Variants in STRA8 observed in about 807,000 individuals in gnomAD.
The protein encoded by STRA8 is stimulated by retinoic acid 8.
A neutral mutation model predicts 37.1 loss-of-function variants in STRA8; 18 were observed. The observed-to-expected ratio is 0.48, with a 90% CI of 0.34 to 0.72. The LOEUF is 0.72. Among genes scored for constraint, STRA8 ranks in the 30% least tolerant of loss-of-function variants. The pLI is 0.01. For missense variants in STRA8, 357 were observed against 410.4 expected, an observed-to-expected ratio of 0.87 and a Z score of 1.13; for synonymous variants, 168 against 162.9, an observed-to-expected ratio of 1.03 and a Z score of -0.24.
chr7:135,232,698 G>A (rs1432894267), upstream of STRA8, among the ~76,000 whole-genome samples: 1 of 152,154 alleles, frequency 6.6e-6, no homozygotes, highest in Non-Finnish European at 1.5e-5. Context: ...TTATGTGACG[G>A]TTTCTTTATA....
rs144431845 is a variant in STRA8 at position 135,246,848 on chromosome 7, C to CT, written c.879+160dup. ...GTCGGTTTCTGATTTTCTTTTTTCT[C>CT]TTTTTTTTTTTTTTGAGACGGAGTC... On this transcript the variant is annotated intron_variant, in intron 6 of 8. Coordinates refer to ENST00000662584, the MANE Select transcript of STRA8 (RefSeq NM_001394401.1). This position sits in a 1 kb window ranked among gnomAD's most constrained non-coding sequence, Gnocchi z 5.4. 34,215 of 662,516 alleles carry CT rather than the reference C, an allele frequency of 0.052. 9 individuals are homozygous for CT. Among genetic ancestry groups the CT allele is most frequent in the East Asian group, 0.11 (3,257 of 28,980 alleles). 41.0% of individuals were successfully genotyped at this position (662,516 alleles called of 1,614,324 possible).
chr7:135,256,119 C>T (rs1324097302), intron 8 of STRA8, among the ~76,000 whole-genome samples: 1 of 152,142 alleles, frequency 6.6e-6, no homozygotes, highest in Non-Finnish European at 1.5e-5. Context: ...AAATTCATAG[C>T]CATGGATTTT....
At chr7:135,255,310 C>G (rs531509686) in intron 8 of STRA8, 85 bp downstream of exon 8, 24 of 994,300 alleles carry the variant, frequency 2.4e-5, no homozygotes, top group Non-Finnish European at 3.8e-5. Context: ...CTAACCAGAA[C>G]TCACCCCAAT....
At chr7:135,238,122 C>T (rs966293785) in intron 1 of STRA8, among the ~76,000 whole-genome samples, 4 of 152,184 alleles carry the variant, frequency 2.6e-5, no homozygotes, top group South Asian at 2.1e-4. Flanking sequence ...ACATCTCCAG[C>T]GCTTGATTCT....
chr7:135,253,136 T>C (rs147109754), intron 7 of STRA8, among the ~76,000 whole-genome samples: 4,088 of 152,248 alleles, frequency 0.027, 181 homozygotes, highest in African/African-American at 0.093. Context: ...GGTTTTGCCA[T>C]GTTGGCCAGG....
chr7:135,239,541 A>G (rs1832429005), intron 1 of STRA8, among the ~76,000 whole-genome samples: 1 of 152,186 alleles, frequency 6.6e-6, no homozygotes, highest in Non-Finnish European at 1.5e-5. Flanking sequence ...TGTGTTACGC[A>G]CTGAGGGTAC....
chr7:135,232,328 G>A (rs1237101499), upstream of STRA8, among the ~76,000 whole-genome samples: 3 of 151,998 alleles, frequency 2.0e-5, no homozygotes, highest in African/African-American at 7.2e-5. Flanking sequence ...AAGTCAGGGA[G>A]TGGGGGTGGA....
At chr7:135,239,856 G>A (rs1391852370) in intron 1 of STRA8, among the ~76,000 whole-genome samples, 1 of 152,158 alleles carries the variant, frequency 6.6e-6, no homozygotes, top group Non-Finnish European at 1.5e-5. Flanking sequence ...TGCTTGCACA[G>A]GTGGTAAAGT....
At chr7:135,251,623 C>A (rs553539472) in intron 6 of STRA8, among the ~76,000 whole-genome samples, 173 bp from the exon 7 acceptor site, 1 of 152,144 alleles carries the variant, frequency 6.6e-6, no homozygotes, top group East Asian at 1.9e-4. Flanking sequence ...GCATTTACCC[C>A]CTAGGAAGAA....
upstream of STRA8, among the ~76,000 whole-genome samples, chr7:135,232,325 G>A (rs764962897): frequency 2.7e-4 from 41 of 151,934 alleles, no homozygotes; most frequent in Non-Finnish European, 4.4e-5. Context: ...GAAAAGTCAG[G>A]GAGTGGGGGT....
At chr7:135,245,252 A>C in intron 4 of STRA8, 36 bp from the exon 5 acceptor site, 1 of 780,796 alleles carries the variant, frequency 1.3e-6, no homozygotes, top group Non-Finnish European at 2.4e-6. Context: ...GAGGGATATT[A>C]ATCTATAGTT....
In STRA8 at chr7:135,242,887, C is replaced by G. The variant is rs372810839; in HGVS notation, c.268+31C>G. 4.2e-5 allele frequency: 67 copies of G among 1,605,576 alleles called. No homozygotes were observed. In the Middle Eastern group the frequency reaches 4.9e-4, roughly 12 times the overall value. Reference sequence around the variant, plus strand: ...GGAGCACTACTTGCCAACCCCATCTCCCTCCCTGGAGAAAACTGGATCTGT... The same window carrying G: ...GGAGCACTACTTGCCAACCCCATCTGCCTCCCTGGAGAAAACTGGATCTGT... On this transcript the variant is annotated intron_variant, in intron 3 of 8. Coordinates refer to ENST00000662584, the MANE Select transcript of STRA8 (RefSeq NM_001394401.1).
rs1585474602 is a variant in STRA8 at position 135,246,137 on chromosome 7, C to G, written c.594-280C>G. 1 of 500,360 alleles carries G rather than the reference C, an allele frequency of 2.0e-6. No individual in the cohort carries two copies. The highest frequency in any genetic ancestry group is 3.6e-5 in the East Asian group (1 of 27,506). The allele number at this position is 500,360 out of a possible 1,614,324, so 31.0% of individuals were successfully genotyped here. On this transcript the variant is annotated intron_variant, in intron 5 of 8. Transcript: ENST00000662584. This position sits in a 1 kb window ranked among gnomAD's most constrained non-coding sequence, Gnocchi z 5.4. ...CTTAGGATGAGAGCTGAGGCAGCTA[C>G]GCCTCTTATCTGCTTCTGTCTAACA...
chr7:135,244,289 C>T (rs1832512858), intron 4 of STRA8, among the ~76,000 whole-genome samples: 2 of 152,194 alleles, frequency 1.3e-5, no homozygotes, highest in Admixed American at 6.5e-5. Context: ...AAACTCTGAC[C>T]TCAAGGTATC....
At chr7:135,252,044 G>GTGTGCA (rs1832645041) in intron 7 of STRA8, among the ~76,000 whole-genome samples, 175 bp downstream of exon 7, 1 of 151,762 alleles carries the variant, frequency 6.6e-6, no homozygotes, top group Non-Finnish European at 1.5e-5. Flanking sequence ...GTGTGTGTGT[G>GTGTGCA]TGCACCCCTG....
At position 135,255,231 on chromosome 7, in the gene STRA8, A is replaced by T; in HGVS notation, c.1065+6A>T. 6.2e-7 allele frequency: 1 copy of T among 1,609,868 alleles called. No individual in the cohort carries two copies. Among genetic ancestry groups the T allele is most frequent in the Middle Eastern group, 1.7e-4 (1 of 6,050 alleles). ...CAAACACTCAAGTAAAGCAGGTAGG[A>T]TGGAGTAGAGGGCCGTGGTACCTCT... On this transcript the variant is annotated splice_donor_region_variant and intron_variant, in intron 8 of 8. Transcript: ENST00000662584.
chr7:135,244,231 G>A (rs1227183576), intron 4 of STRA8, among the ~76,000 whole-genome samples: 1 of 152,132 alleles, frequency 6.6e-6, no homozygotes, highest in East Asian at 1.9e-4. Flanking sequence ...GCTAGTTTTT[G>A]TATTTTTAGT....
At chr7:135,236,717 AG>A (rs1421224573) in intron 1 of STRA8, among the ~76,000 whole-genome samples, 4 of 152,176 alleles carry the variant, frequency 2.6e-5, no homozygotes, top group Non-Finnish European at 5.9e-5. Context: ...GGTGGAACTA[AG>A]ATGTTATTTC....
upstream of STRA8, among the ~76,000 whole-genome samples, chr7:135,233,711 C>G (rs576013716): frequency 1.3e-5 from 2 of 152,172 alleles, no homozygotes; most frequent in African/African-American, 4.8e-5. Context: ...ACTGCCCACA[C>G]GCCCATTGGC....
Sources: gnomAD v4.1 joint callset for allele counts (sites outside exome capture counted in the v4.1 genomes callset) on GRCh38, gnomAD v4.1.1 for gene constraint, Gnocchi (gnomAD v3.1) non-coding constraint, MANE v1.5 for transcripts, NCBI Gene and HGNC (gene_info 2026-07-23, HGNC 2026-07-21) for gene names.